WDFY1: variants seen among roughly 807,000 people sequenced by gnomAD.
WDFY1 encodes WD repeat and FYVE domain containing 1.
A neutral mutation model predicts 56.4 loss-of-function variants in WDFY1; 32 were observed. The ratio of observed to expected loss-of-function variants is 0.57; its 90% CI spans 0.43 to 0.76. The LOEUF (loss-of-function observed/expected upper bound fraction) is 0.76. Ranked by LOEUF, WDFY1 falls within the 30% of genes least tolerant of loss-of-function variation. The pLI, the probability that WDFY1 is intolerant of heterozygous loss-of-function variation, is 0.00. For synonymous variants in WDFY1, 192 were observed against 197.3 expected (o/e 0.97, Z 0.23); for missense variants, 480 against 545.7 (o/e 0.88, Z 1.20).
chr2:223,892,155 T>C (rs181136855), intron 8 of WDFY1, among the ~76,000 whole-genome samples: 39 of 152,038 alleles, frequency 2.6e-4, no homozygotes, highest in African/African-American at 7.5e-4. Context: ...TTATATTTTT[T>C]AGTAGAGACT....
intron 10 of WDFY1, among the ~76,000 whole-genome samples, chr2:223,881,030 C>A (rs578077335): frequency 3.2e-4 from 48 of 152,312 alleles, no homozygotes; most frequent in African/African-American, 1.0e-3. Flanking sequence ...CCTCTGCCAA[C>A]ATTTGCCTCT....
At chr2:223,897,384 A>ATTTT (rs1441035020) in intron 6 of WDFY1, among the ~76,000 whole-genome samples, 3,071 of 117,278 alleles carry the variant, frequency 0.026, 145 homozygotes, top group Non-Finnish European at 0.034. Context: ...ATATATATAT[A>ATTTT]TATATATTTT....
In WDFY1 at chr2:223,922,082, C is replaced by T. The variant is rs540449692; in HGVS notation, c.138-4072G>A. ...AACCTTAGCGCCTATGACTCCCCAT[C>T]CCAGAGCCTGCATCCCAGTGAGCTG... is the stretch of plus-strand genomic sequence containing the variant. On this transcript the variant is annotated intron_variant, in intron 1 of 11. Transcript: ENST00000233055. 5.3e-4 allele frequency among the ~76,000 whole-genome samples: 80 copies of T among 152,290 alleles called. 1 individual carries two copies. The highest frequency in any genetic ancestry group is 3.9e-3 in the South Asian group (19 of 4,832).
intron 1 of WDFY1, among the ~76,000 whole-genome samples, chr2:223,935,418 A>G (rs1694152916): frequency 6.6e-6 from 1 of 152,268 alleles, no homozygotes; most frequent in African/African-American, 2.4e-5. Flanking sequence ...ACAAAAATAC[A>G]TCATGAAATC....
chr2:223,894,195 G>T (rs1246441534), intron 8 of WDFY1, 39 bp downstream of exon 8: 2 of 1,608,124 alleles, frequency 1.2e-6, no homozygotes, highest in African/African-American at 2.7e-5. Flanking sequence ...GTTCCTGGGG[G>T]TCTCCCCCGA....
chr2:223,905,081 T>C (rs1693573680), intron 4 of WDFY1, among the ~76,000 whole-genome samples: 1 of 152,150 alleles, frequency 6.6e-6, no homozygotes, highest in Non-Finnish European at 1.5e-5. Context: ...CAACATTAAA[T>C]AAAGCTTAAA....
At position 223,894,307 on chromosome 2, in the gene WDFY1, A is replaced by AG; in HGVS notation, c.757dup (p.Leu253ProfsTer22). ...GGAACAGGAGACGAGCTGCCTGGTG[A>AG]GCTGAAGGTAGCACAGCGACTGCAC... On this transcript the variant is annotated frameshift_variant, in exon 8 of 12. Transcript: ENST00000233055. LOFTEE classifies it high-confidence loss of function. The AG allele has an allele frequency of 6.2e-7, 1 of 1,614,218 alleles. No homozygotes were observed.
chr2:223,880,777 T>TTTA (rs1659795789), intron 10 of WDFY1, among the ~76,000 whole-genome samples: 1 of 151,636 alleles, frequency 6.6e-6, no homozygotes, highest in African/African-American at 2.4e-5. Flanking sequence ...TTTTTTTTTT[T>TTTA]ACTGGAAAGG....
Position 223,902,521 on chromosome 2 carries a change from C to T in WDFY1, c.335-1188G>A, listed in dbSNP as rs574606128. Among the ~76,000 whole-genome samples the T allele has an allele frequency of 2.0e-5, 3 of 152,252 alleles. No homozygotes were observed. In the East Asian group the frequency reaches 5.8e-4, roughly 29 times the overall value. ...TGGAGGTTACATTGAGCTATGATTG[C>T]ACCACTGCACTCCAGCCTGGGTAAG... is the stretch of plus-strand genomic sequence containing the variant. On this transcript the variant is annotated intron_variant, in intron 4 of 11. Coordinates refer to ENST00000233055, the MANE Select transcript of WDFY1 (RefSeq NM_020830.5).
chr2:223,893,445 G>A (rs560192361), intron 8 of WDFY1, among the ~76,000 whole-genome samples: 27 of 151,878 alleles, frequency 1.8e-4, no homozygotes, highest in African/African-American at 5.6e-4. Context: ...TGGGAGGATC[G>A]CTTAAGCCTG....
chr2:223,900,541 T>C (rs190155446), intron 5 of WDFY1, among the ~76,000 whole-genome samples: 26 of 152,184 alleles, frequency 1.7e-4, no homozygotes, highest in Admixed American at 1.4e-3. Flanking sequence ...GCAAATTCCA[T>C]GTAGTAGCAG....
In WDFY1 at chr2:223,917,970, A is replaced by G; in HGVS notation, c.178T>C (p.Trp60Arg). The G allele has an allele frequency of 6.2e-7, 1 of 1,614,240 alleles. No individual in the cohort carries two copies. The change falls in exon 2 of 12, where the codon TGG becomes CGG. Residue 60 changes from tryptophan (W) to arginine (R), a missense_variant. Physicochemically the swap from Trp to Arg is moderately radical, Grantham distance 101 (BLOSUM62 -3). Transcript: ENST00000233055. ...VWLKRDSGQY[W>R]PSIYHTMASP... is the part of the protein sequence containing the mutation. ...GCCATTGTGTGGTAAATGCTGGGCC[A>G]GTATTGACCACTGTCTCTTTTCAGC... is the stretch of plus-strand genomic sequence containing the variant.
intron 9 of WDFY1, among the ~76,000 whole-genome samples, chr2:223,883,180 C>T (rs759257274): frequency 5.9e-5 from 9 of 152,156 alleles, no homozygotes; most frequent in Non-Finnish European, 7.4e-5. Context: ...CCATCATACC[C>T]GGTCTAAAAT....
intron 1 of WDFY1, among the ~76,000 whole-genome samples, chr2:223,924,985 C>T (rs78550322): frequency 0.018 from 2,725 of 152,008 alleles, 74 homozygotes; most frequent in African/African-American, 0.062. Flanking sequence ...TAAGGAATTC[C>T]AGGCTTGGAA....
chr2:223,885,850 G>T (rs653702), intron 8 of WDFY1, among the ~76,000 whole-genome samples: 136,414 of 152,060 alleles, frequency 0.9, 61,618 homozygotes, highest in South Asian at 0.96. Context: ...CCCTCCTGGG[G>T]CCACACAGGC....
At chr2:223,923,474 T>A (rs1322764133) in intron 1 of WDFY1, among the ~76,000 whole-genome samples, 1 of 152,156 alleles carries the variant, frequency 6.6e-6, no homozygotes, top group Non-Finnish European at 1.5e-5. Flanking sequence ...GAGCAAACTA[T>A]TTCAAAGTCT....
intron 3 of WDFY1, among the ~76,000 whole-genome samples, chr2:223,910,228 C>A (rs1408813723): frequency 2.0e-5 from 3 of 152,024 alleles, no homozygotes; most frequent in Admixed American, 2.0e-4. Flanking sequence ...ATGTGGAACC[C>A]CTCCCTGATA....
intron 7 of WDFY1, chr2:223,894,545 A>G: frequency 1.8e-6 from 1 of 556,802 alleles, no homozygotes; most frequent in South Asian, 2.2e-5. Context: ...TATAAAATAT[A>G]TGACTACTTT....
chr2:223,883,770 C>T (rs555127946), intron 9 of WDFY1, among the ~76,000 whole-genome samples: 5 of 152,140 alleles, frequency 3.3e-5, no homozygotes, highest in Admixed American at 2.6e-4. Flanking sequence ...CTCAGCCTCC[C>T]GAGTAGCTGG....
Sources: gnomAD v4.1 joint callset for allele counts (sites outside exome capture counted in the v4.1 genomes callset) on GRCh38, gnomAD v4.1.1 for gene constraint, MANE v1.5 for transcripts, NCBI Gene and HGNC (gene_info 2026-07-23, HGNC 2026-07-21) for gene names.